GRM8: variants seen among roughly 807,000 people sequenced by gnomAD.
The protein encoded by GRM8 is glutamate metabotropic receptor 8, also known as metabotropic glutamate receptor 8.
A neutral mutation model predicts 87.2 loss-of-function variants in GRM8; 47 were observed. The observed-to-expected ratio is 0.54, with a 90% CI of 0.43 to 0.69. The LOEUF (loss-of-function observed/expected upper bound fraction) is 0.69, where lower values mean the gene tolerates loss of function less well. GRM8 is among the 30% of genes least tolerant of loss of function. GRM8 has a pLI of 0.00. For missense variants in GRM8, 1,019 were observed against 1,139.2 expected (o/e 0.89, Z 1.52); for synonymous variants, 396 against 404.5 (o/e 0.98, Z 0.25).
At chr7:126,885,735 A>G (rs1418808385) in intron 6 of GRM8, among the ~76,000 whole-genome samples, 1 of 152,166 alleles carries the variant, frequency 6.6e-6, no homozygotes, top group African/African-American at 2.4e-5. Flanking sequence ...TTTTGAATAC[A>G]TTTACTCATT....
At chr7:126,750,109 T>C (rs746503032) in intron 7 of GRM8, among the ~76,000 whole-genome samples, 13 of 152,088 alleles carry the variant, frequency 8.5e-5, no homozygotes, top group Non-Finnish European at 1.5e-4. Context: ...AACTAATGAA[T>C]GAATACACAA....
At chr7:127,248,172 A>C (rs1587372388) in intron 1 of GRM8, among the ~76,000 whole-genome samples, 1 of 152,244 alleles carries the variant, frequency 6.6e-6, no homozygotes, top group East Asian at 1.9e-4. Context: ...TACTTTTTAT[A>C]ATATGTATCA....
chr7:126,771,692 G>A (rs543189693), intron 6 of GRM8, among the ~76,000 whole-genome samples: 2 of 151,940 alleles, frequency 1.3e-5, no homozygotes, highest in South Asian at 2.1e-4. Context: ...AACTGCTATC[G>A]TCCCATATTT....
At chr7:127,008,181 C>A (rs1402030906) in intron 3 of GRM8, among the ~76,000 whole-genome samples, 2 of 151,962 alleles carry the variant, frequency 1.3e-5, no homozygotes, top group Admixed American at 6.6e-5. Context: ...TTATATGATA[C>A]AAAGAGTATA....
intron 9 of GRM8, among the ~76,000 whole-genome samples, chr7:126,521,566 T>A (rs1812989667): frequency 6.6e-6 from 1 of 152,020 alleles, no homozygotes; most frequent in South Asian, 2.1e-4. Flanking sequence ...AAAAATGATT[T>A]TAAAGAAAAA....
At chr7:127,053,797 AAG>A (rs1819712342) in intron 3 of GRM8, among the ~76,000 whole-genome samples, 1 of 55,030 alleles carries the variant, frequency 1.8e-5, no homozygotes, top group African/African-American at 7.5e-5. Context: ...CAAAAAAAAA[AAG>A]GGGGGGGGGA....
intron 6 of GRM8, among the ~76,000 whole-genome samples, chr7:126,801,275 C>T (rs980768806): frequency 2.0e-5 from 3 of 152,060 alleles, no homozygotes; most frequent in Admixed American, 6.6e-5. Flanking sequence ...ATGCTTCATG[C>T]CGCAATGCCA....
Position 126,869,466 on chromosome 7 carries a change from T to A in GRM8, c.1156+33076A>T, listed in dbSNP as rs1218775721. On this transcript the variant is annotated intron_variant, in intron 6 of 10. Coordinates refer to ENST00000339582, the MANE Select transcript of GRM8 (RefSeq NM_000845.3). ...CAGATCCATCAGAGAAGTCACTATG[T>A]ATGGGAGCTATAGCCTTATGAAATA... is the stretch of plus-strand genomic sequence containing the variant. 3.9e-5 allele frequency: 6 copies of A among 152,362 alleles called. No individual in the cohort carries two copies. In the East Asian group the frequency reaches 1.2e-3, roughly 29 times the overall value. 9.4% of individuals were successfully genotyped at this position (152,362 alleles called of 1,614,324 possible).
At chr7:127,102,995 T>C (rs1241127728) in intron 3 of GRM8, among the ~76,000 whole-genome samples, 1 of 152,194 alleles carries the variant, frequency 6.6e-6, no homozygotes, top group Non-Finnish European at 1.5e-5. Flanking sequence ...CCCAAGTAGC[T>C]GGGACAGCAG....
At chr7:126,963,734 T>C (rs1023835035) in intron 3 of GRM8, among the ~76,000 whole-genome samples, 11 of 152,284 alleles carry the variant, frequency 7.2e-5, no homozygotes, top group Admixed American at 3.9e-4. Context: ...AAAATGGCCA[T>C]ACTGCCCAAA....
intron 6 of GRM8, among the ~76,000 whole-genome samples, chr7:126,834,705 A>C (rs1311163223): frequency 6.6e-6 from 1 of 152,236 alleles, no homozygotes; most frequent in Non-Finnish European, 1.5e-5. Context: ...TAAATACTGA[A>C]ATCACAAACT....
At chr7:126,833,257 C>T (rs900823574) in intron 6 of GRM8, among the ~76,000 whole-genome samples, 4 of 152,190 alleles carry the variant, frequency 2.6e-5, no homozygotes, top group African/African-American at 4.8e-5. Flanking sequence ...TAAAAGGCAA[C>T]AGTCACAGCA....
chr7:127,069,367 T>C (rs569756632), intron 3 of GRM8, among the ~76,000 whole-genome samples: 1 of 152,256 alleles, frequency 6.6e-6, no homozygotes, highest in South Asian at 2.1e-4. Context: ...TTTTGCCATG[T>C]TGGCCAGGCT....
chr7:127,252,818 G>A lies in GRM8; in HGVS notation c.-333C>T, dbSNP rs375374673. 1,737 of 201,924 alleles carry A rather than the reference G, an allele frequency of 8.6e-3. 18 individuals are homozygous for A. Among genetic ancestry groups the A allele is most frequent in the Non-Finnish European group, 0.012 (1,204 of 103,746 alleles). The allele number at this position is 201,924 out of a possible 1,614,324, so 12.5% of individuals were successfully genotyped here. A position where few individuals can be genotyped will look rare whatever the true frequency, so the allele number is the denominator to read the frequency against. The stretch of plus-strand genomic sequence containing the variant: ...TTACCCTGCTCCCCGCAGAGGGCGC[G>A]GTGAGGAAGCCCGCCGGGGGCCCGC... On this transcript the variant is annotated 5_prime_UTR_variant, in exon 1 of 11. Transcript: ENST00000339582. This position sits in a 1 kb window ranked among gnomAD's most constrained non-coding sequence, Gnocchi z 4.9.
chr7:126,955,341 C>G (rs1231713554), intron 3 of GRM8, among the ~76,000 whole-genome samples: 1 of 152,146 alleles, frequency 6.6e-6, no homozygotes, highest in African/African-American at 2.4e-5. Flanking sequence ...AACACCAATA[C>G]AAAGGCTGTA....
chr7:127,154,040 G>C (rs1563546088), intron 2 of GRM8, among the ~76,000 whole-genome samples: 1 of 152,054 alleles, frequency 6.6e-6, no homozygotes, highest in African/African-American at 2.4e-5. Context: ...AACCACCTTT[G>C]AGAGTAGCAG....
intron 9 of GRM8, among the ~76,000 whole-genome samples, chr7:126,479,559 TC>T (rs1238512952): frequency 2.0e-5 from 3 of 152,108 alleles, no homozygotes; most frequent in African/African-American, 7.2e-5. Context: ...GTACTTAATT[TC>T]TTTTGGTTGC....
At chr7:127,033,141 TC>T (rs1467634216) in intron 3 of GRM8, among the ~76,000 whole-genome samples, 3 of 151,914 alleles carry the variant, frequency 2.0e-5, no homozygotes, top group Non-Finnish European at 4.4e-5. Context: ...TTACAATGTT[TC>T]CTCCACTTAA....
chr7:126,533,695 T>C lies in GRM8; in HGVS notation c.1687A>G (p.Asn563Asp), dbSNP rs1170649014. ...CELCPLDQRP[N>D]MNRTGCQLIP... Reference sequence around the variant, plus strand: ...AGCTGGCAGCCTGTGCGGTTCATGTTGGGTCTCTGATCCAGAGGGCAAAGT... The same window carrying C: ...AGCTGGCAGCCTGTGCGGTTCATGTCGGGTCTCTGATCCAGAGGGCAAAGT... The change falls in exon 9 of 11, where the codon AAC (asparagine) becomes GAC (aspartate). Residue 563 changes from asparagine (N) to aspartate (D), a missense_variant. Physicochemically the swap from Asn to Asp is conservative, Grantham distance 23. Coordinates refer to ENST00000339582, the MANE Select transcript of GRM8 (RefSeq NM_000845.3). 3 of 1,613,994 alleles carry C rather than the reference T, an allele frequency of 1.9e-6. No homozygotes were observed. The African/African-American group carries it at 4.0e-5, about 22-fold the overall frequency.
Sources: allele counts gnomAD v4.1 joint callset (sites outside exome capture counted in the v4.1 genomes callset), GRCh38; gene constraint gnomAD v4.1.1; non-coding constraint Gnocchi (gnomAD v3.1); transcripts MANE v1.5; gene names NCBI Gene and HGNC (gene_info 2026-07-23, HGNC 2026-07-21).